SLC24A2: variants seen among roughly 807,000 people sequenced by gnomAD.
SLC24A2 encodes the protein sodium/potassium/calcium exchanger 2.
A neutral mutation model predicts 62.0 loss-of-function variants in SLC24A2; 36 were observed. The ratio of observed to expected loss-of-function variants is 0.58; its 90% confidence interval spans 0.44 to 0.77. SLC24A2 has a LOEUF of 0.77. SLC24A2 is among the 30% of genes least tolerant of loss of function. SLC24A2 has a pLI of 0.00. For synonymous variants in SLC24A2, 358 were observed against 294.0 expected, an observed-to-expected ratio of 1.22 and a Z score of -2.23; for missense variants, 846 against 817.9, an observed-to-expected ratio of 1.03 and a Z score of -0.42.
chr9:19,812,692 G>A, the SLC24A2 span, among the ~76,000 whole-genome samples: 1 of 151,884 alleles, frequency 6.6e-6, no homozygotes, highest in East Asian at 1.9e-4. Flanking sequence ...ACTGTCTTTT[G>A]GAGTGTATAA....
At chr9:19,879,546 C>G in the SLC24A2 span, among the ~76,000 whole-genome samples, 1 of 152,076 alleles carries the variant, frequency 6.6e-6, no homozygotes. Flanking sequence ...GTTGGTTTTA[C>G]ATATCTGAAT....
the SLC24A2 span, among the ~76,000 whole-genome samples, chr9:20,262,115 A>G: frequency 6.6e-6 from 1 of 152,216 alleles, no homozygotes; most frequent in Non-Finnish European, 1.5e-5. Context: ...TACAGATAGG[A>G]AAAGGCAGCC....
At chr9:20,261,312 G>C in the SLC24A2 span, among the ~76,000 whole-genome samples, 1 of 151,878 alleles carries the variant, frequency 6.6e-6, no homozygotes. Context: ...TTTAGCTCAT[G>C]GTTGTGGAGG....
At chr9:19,833,839 C>A in the SLC24A2 span, among the ~76,000 whole-genome samples, 12 of 152,358 alleles carry the variant, frequency 7.9e-5, no homozygotes, top group African/African-American at 2.6e-4. Context: ...TAGGGGCGGA[C>A]TGACACCTCA....
the SLC24A2 span, among the ~76,000 whole-genome samples, chr9:19,955,476 A>G: frequency 6.6e-6 from 1 of 152,024 alleles, no homozygotes; most frequent in Non-Finnish European, 1.5e-5. Context: ...GACACAGATA[A>G]GTTGTCTTGA....
At chr9:20,086,224 TTGTTCTTTATATTGCTGG>T in the SLC24A2 span, among the ~76,000 whole-genome samples, 1 of 152,156 alleles carries the variant, frequency 6.6e-6, no homozygotes, top group Non-Finnish European at 1.5e-5. Context: ...GATATTGCTG[TTGTTCTTTATATTGCTGG>T]TGTTCTCAAA....
intron 1 of SLC24A2, 58 bp downstream of exon 1, chr9:19,788,827 C>T (rs1823257510): frequency 1.0e-6 from 1 of 985,416 alleles, no homozygotes; most frequent in Non-Finnish European, 1.2e-6. Context: ...AACCGGGATG[C>T]GGGGACGACC....
At position 19,550,204 on chromosome 9, in the gene SLC24A2, A is replaced by T; in HGVS notation, c.1412T>A (p.Val471Asp). ...LAWPSETRKQ[V>D]TFLIVFPIVF... is the part of the protein sequence containing the mutation. The stretch of plus-strand genomic sequence containing the variant: ...TATGGGGAAAACAATCAGAAACGTG[A>T]CTTGCTTGCGGGTTTCAGAAGGCCA... The change falls in exon 8 of 11, where the codon GTC becomes GAC. Residue 471 changes from valine (V) to aspartate (D), a missense_variant. Physicochemically the swap from Val to Asp is radical, Grantham distance 152. Coordinates refer to ENST00000341998, the MANE Select transcript of SLC24A2 (RefSeq NM_020344.4). 1 of 1,614,120 alleles carries T rather than the reference A, an allele frequency of 6.2e-7. No individual in the cohort carries two copies. Among genetic ancestry groups the T allele is most frequent in the Non-Finnish European group, 8.5e-7 (1 of 1,179,966 alleles).
At chr9:19,523,783 T>G (rs899857980) in intron 9 of SLC24A2, among the ~76,000 whole-genome samples, 2 of 152,106 alleles carry the variant, frequency 1.3e-5, no homozygotes, top group African/African-American at 4.8e-5. Flanking sequence ...ATTTTATAAC[T>G]CAGACATTAC....
At chr9:19,754,259 A>C (rs1470619792) in intron 2 of SLC24A2, among the ~76,000 whole-genome samples, 2 of 151,932 alleles carry the variant, frequency 1.3e-5, no homozygotes, top group Non-Finnish European at 2.9e-5. Context: ...ACTACAGTCC[A>C]CTCTTCTAAG....
At chr9:19,794,052 GA>G in the SLC24A2 span, among the ~76,000 whole-genome samples, 1 of 152,142 alleles carries the variant, frequency 6.6e-6, no homozygotes, top group Non-Finnish European at 1.5e-5. Flanking sequence ...CATAAAAGCA[GA>G]AAAAAATTTC....
intron 2 of SLC24A2, among the ~76,000 whole-genome samples, chr9:19,715,443 A>T (rs1820830844): frequency 6.6e-6 from 1 of 152,228 alleles, no homozygotes; most frequent in Admixed American, 6.5e-5. Context: ...GAAGGTACAA[A>T]AAAATGATGG....
chr9:19,856,039 AAGCTCTG>A, the SLC24A2 span, among the ~76,000 whole-genome samples: 3 of 152,002 alleles, frequency 2.0e-5, no homozygotes, highest in South Asian at 6.2e-4. Context: ...AAAGATAGTC[AAGCTCTG>A]AGATTCTTTC....
At chr9:20,171,674 C>T in the SLC24A2 span, among the ~76,000 whole-genome samples, 23 of 151,838 alleles carry the variant, frequency 1.5e-4, no homozygotes, top group Middle Eastern at 3.2e-3. Flanking sequence ...TATCAAAATC[C>T]TAACTATATA....
chr9:19,752,474 T>C (rs922366217), intron 2 of SLC24A2, among the ~76,000 whole-genome samples: 1 of 146,238 alleles, frequency 6.8e-6, no homozygotes, highest in South Asian at 2.2e-4. Flanking sequence ...GCGATCATCA[T>C]GGCAGATAAG....
chr9:19,730,472 C>T (rs1028819302), intron 2 of SLC24A2, among the ~76,000 whole-genome samples: 4 of 152,016 alleles, frequency 2.6e-5, no homozygotes, highest in South Asian at 2.1e-4. Context: ...AGAAAACAAC[C>T]TAAATTGCCC....
At chr9:20,221,816 T>C in the SLC24A2 span, among the ~76,000 whole-genome samples, 1 of 152,212 alleles carries the variant, frequency 6.6e-6, no homozygotes, top group East Asian at 1.9e-4. Flanking sequence ...TGCAATTTCA[T>C]GTCCAGTCTT....
chr9:19,983,598 C>T, the SLC24A2 span, among the ~76,000 whole-genome samples: 203 of 152,146 alleles, frequency 1.3e-3, no homozygotes, highest in Non-Finnish European at 2.3e-3. Context: ...GAGCCAAGAT[C>T]GCACCACTGT....
the SLC24A2 span, among the ~76,000 whole-genome samples, chr9:19,947,848 G>GAAAGAAATAAAT: frequency 1.4e-5 from 2 of 145,340 alleles, no homozygotes; most frequent in East Asian, 2.1e-4. Context: ...AAGAAAGAAA[G>GAAAGAAATAAAT]AAATTAGTTC....
Sources: gnomAD v4.1 joint callset for allele counts (sites outside exome capture counted in the v4.1 genomes callset) on GRCh38, gnomAD v4.1.1 for gene constraint, MANE v1.5 for transcripts, NCBI Gene and HGNC (gene_info 2026-07-23, HGNC 2026-07-21) for gene names.